FAM163A: variants seen among roughly 807,000 people sequenced by gnomAD.
FAM163A encodes the protein protein FAM163A.
A neutral mutation model predicts 12.0 loss-of-function variants in FAM163A; 7 were observed. That is an observed-to-expected ratio of 0.58 (90% CI 0.33 to 1.10). The LOEUF (loss-of-function observed/expected upper bound fraction) is 1.10, where lower values mean the gene tolerates loss of function less well. Ranked by LOEUF, FAM163A falls within the 50% of genes least tolerant of loss-of-function variation. The probability of loss-of-function intolerance (pLI) is 0.03; values close to 1 mark genes in which losing one functional copy is unlikely to be tolerated. For synonymous variants in FAM163A, 101 were observed against 91.0 expected (o/e 1.11, Z -0.62); for missense variants, 202 against 218.6 (o/e 0.92, Z 0.48).
rs997375444 is a variant in FAM163A at position 179,754,819 on chromosome 1, A to G, written c.-136+11396A>G. Among the ~76,000 whole-genome samples, 6 of 152,236 alleles carry G rather than the reference A, an allele frequency of 3.9e-5. No homozygotes were observed. In the South Asian group the frequency reaches 1.0e-3, roughly 26 times the overall value. ...CTGTAGACTTTTTAACAGAGGCATA[A>G]CACCTTCTGGTTTACATGTTAGAAA... is the stretch of plus-strand genomic sequence containing the variant. On this transcript the variant is annotated intron_variant, in intron 1 of 4. Coordinates refer to ENST00000341785, the MANE Select transcript of FAM163A (RefSeq NM_173509.3).
chr1:179,786,822 C>T (rs1690698154), intron 1 of FAM163A, among the ~76,000 whole-genome samples: 1 of 152,142 alleles, frequency 6.6e-6, no homozygotes, highest in African/African-American at 2.4e-5. Context: ...AGCCCAAGGC[C>T]TCTGTCCTCA....
intron 1 of FAM163A, among the ~76,000 whole-genome samples, chr1:179,761,515 C>T (rs1448564092): frequency 1.3e-5 from 2 of 152,246 alleles, no homozygotes; most frequent in Non-Finnish European, 2.9e-5. Context: ...GTTACTACGA[C>T]AGCCGGTAGC....
chr1:179,781,712 G>A (rs1401916784), intron 1 of FAM163A, among the ~76,000 whole-genome samples: 1 of 152,088 alleles, frequency 6.6e-6, no homozygotes, highest in Non-Finnish European at 1.5e-5. Flanking sequence ...CAGGCGGGAG[G>A]ATCACTAGTT....
chr1:179,788,897 C>T (rs1368421528), intron 1 of FAM163A, among the ~76,000 whole-genome samples: 2 of 152,184 alleles, frequency 1.3e-5, no homozygotes, highest in East Asian at 1.9e-4. Flanking sequence ...AGAGAATTGC[C>T]GCCGTCTATG....
chr1:179,792,886 A>ATATATATATAATAAAATATATG (rs1691722423), intron 1 of FAM163A, among the ~76,000 whole-genome samples: 1 of 151,254 alleles, frequency 6.6e-6, no homozygotes, highest in South Asian at 2.1e-4. Context: ...TAAAATATAT[A>ATATATATATAATAAAATATATG]TATATATATA....
the FAM163A span, among the ~76,000 whole-genome samples, chr1:179,729,937 G>T: frequency 6.6e-6 from 1 of 152,200 alleles, no homozygotes; most frequent in Non-Finnish European, 1.5e-5. Flanking sequence ...CTGCTTTCTG[G>T]GTGCTGCACT....
At chr1:179,786,921 G>A (rs192900267) in intron 1 of FAM163A, among the ~76,000 whole-genome samples, 1 of 152,280 alleles carries the variant, frequency 6.6e-6, no homozygotes, top group East Asian at 1.9e-4. Flanking sequence ...TGACAAAGCA[G>A]GGTGCCAGAG....
At chr1:179,743,599 C>G (rs1278670186) in intron 1 of FAM163A, among the ~76,000 whole-genome samples, 176 bp downstream of exon 1, 4 of 152,194 alleles carry the variant, frequency 2.6e-5, no homozygotes, top group Non-Finnish European at 5.9e-5. Context: ...CCTCTGCCCA[C>G]CGCGCCGCCT....
upstream of FAM163A, chr1:179,742,435 AC>A (rs1683762172): frequency 2.6e-5 from 4 of 152,262 alleles, no homozygotes; most frequent in Admixed American, 2.6e-4. Flanking sequence ...GGTTGACCCC[AC>A]CCCTCTGTCC....
Position 179,767,643 on chromosome 1 carries a change from G to A in FAM163A, c.-136+24220G>A, listed in dbSNP as rs187679330. ...CTGTCCCCCACTCCTACCTTACAGA[G>A]CCTGTCCAGGCCCTGGCACCCCCTA... On this transcript the variant is annotated intron_variant, in intron 1 of 4. Coordinates refer to ENST00000341785, the MANE Select transcript of FAM163A (RefSeq NM_173509.3). Among the ~76,000 whole-genome samples, 1,306 of 152,108 alleles carry A rather than the reference G, an allele frequency of 8.6e-3. 19 individuals are homozygous for A. Among genetic ancestry groups the A allele is most frequent in the African/African-American group, 0.029 (1,187 of 41,478 alleles).
At chr1:179,772,764 G>C (rs908047215) in intron 1 of FAM163A, among the ~76,000 whole-genome samples, 1 of 151,902 alleles carries the variant, frequency 6.6e-6, no homozygotes, top group African/African-American at 2.4e-5. Flanking sequence ...CAGCTCCATG[G>C]TGTCATTAGG....
At chr1:179,811,498 A>G (rs1230489259) in intron 2 of FAM163A, among the ~76,000 whole-genome samples, 7 of 152,002 alleles carry the variant, frequency 4.6e-5, no homozygotes, top group Admixed American at 6.6e-5. Flanking sequence ...TAAAATGCAA[A>G]CTCTGACTCA....
chr1:179,791,646 C>T (rs542854608), intron 1 of FAM163A, among the ~76,000 whole-genome samples: 3 of 152,178 alleles, frequency 2.0e-5, no homozygotes, highest in South Asian at 4.1e-4. Flanking sequence ...GAGGATGGAA[C>T]GCGTTTTCAT....
intron 1 of FAM163A, among the ~76,000 whole-genome samples, chr1:179,747,967 G>A (rs896463290): frequency 1.4e-5 from 2 of 145,386 alleles, no homozygotes; most frequent in African/African-American, 2.5e-5. Flanking sequence ...GGGGGAGGGG[G>A]AGGAGGAAGA....
intron 1 of FAM163A, among the ~76,000 whole-genome samples, chr1:179,781,169 C>T (rs1479857726): frequency 6.6e-6 from 1 of 151,800 alleles, no homozygotes; most frequent in Non-Finnish European, 1.5e-5. Context: ...GGCCTGACTA[C>T]CTACTAGGAA....
At chr1:179,756,738 G>A (rs1425709757) in intron 1 of FAM163A, among the ~76,000 whole-genome samples, 3 of 152,210 alleles carry the variant, frequency 2.0e-5, no homozygotes, top group African/African-American at 2.4e-5. Flanking sequence ...GAAGCTCATG[G>A]TGGGGGAAGT....
At chr1:179,734,268 G>T in the FAM163A span, among the ~76,000 whole-genome samples, 1 of 152,146 alleles carries the variant, frequency 6.6e-6, no homozygotes, top group Non-Finnish European at 1.5e-5. Context: ...GAACACCACT[G>T]AGCCAGGCTT....
chr1:179,776,109 A>G (rs934705380), intron 1 of FAM163A, among the ~76,000 whole-genome samples: 1 of 152,172 alleles, frequency 6.6e-6, no homozygotes, highest in Non-Finnish European at 1.5e-5. Context: ...GGTCTAGTCA[A>G]CGAGTCAGCA....
chr1:179,813,958 CGCGAGCCACT>C lies in FAM163A; in HGVS notation c.276_285del (p.Ser93LeufsTer52). On this transcript the variant is annotated frameshift_variant, in exon 5 of 5. Coordinates refer to ENST00000341785, the MANE Select transcript of FAM163A (RefSeq NM_173509.3). LOFTEE classifies it high-confidence loss of function. ...CCTGCAGCCAGCCCTGTGGGGTGGC[CGCGAGCCACT>C]GCACTACCTGCTCCCCATACAGCTC... The C allele has an allele frequency of 6.4e-7, 1 of 1,557,654 alleles. No homozygotes were observed. Among genetic ancestry groups the C allele is most frequent in the Non-Finnish European group, 8.6e-7 (1 of 1,158,608 alleles).
Sources: allele counts gnomAD v4.1 joint callset (sites outside exome capture counted in the v4.1 genomes callset), GRCh38; gene constraint gnomAD v4.1.1; transcripts MANE v1.5; gene names NCBI Gene and HGNC (gene_info 2026-07-23, HGNC 2026-07-21).